CDH20: variants seen among roughly 807,000 people sequenced by gnomAD.
CDH20 encodes cadherin-20.
A neutral mutation model predicts 74.2 loss-of-function variants in CDH20; 29 were observed. The ratio of observed to expected loss-of-function variants is 0.39; its 90% CI spans 0.29 to 0.53. The LOEUF is 0.53. CDH20 is among the 20% of genes least tolerant of loss of function. The probability of loss-of-function intolerance (pLI) is 0.69; values close to 1 mark genes in which losing one functional copy is unlikely to be tolerated. For missense variants in CDH20, 988 were observed against 1,048.3 expected (o/e 0.94, Z 0.79); for synonymous variants, 469 against 405.4 (o/e 1.16, Z -1.88).
intron 8 of CDH20, among the ~76,000 whole-genome samples, chr18:61,538,605 TTTG>T (rs1568182121): frequency 9.9e-5 from 4 of 40,232 alleles, no homozygotes; most frequent in East Asian, 1.3e-3. Context: ...TGTTTTTGTT[TTTG>T]TTTTTGTTTT....
chr18:61,416,855 C>G (rs1912703590), intron 1 of CDH20, among the ~76,000 whole-genome samples: 1 of 152,098 alleles, frequency 6.6e-6, no homozygotes, highest in Non-Finnish European at 1.5e-5. Context: ...CCACAACTAC[C>G]AAAAACAGAA....
At chr18:61,371,638 G>A (rs1911043561) in intron 1 of CDH20, among the ~76,000 whole-genome samples, 1 of 152,054 alleles carries the variant, frequency 6.6e-6, no homozygotes, top group African/African-American at 2.4e-5. Flanking sequence ...ATGACTGACA[G>A]CTGCCCAGAG....
intron 1 of CDH20, among the ~76,000 whole-genome samples, chr18:61,385,142 T>C (rs1398840145): frequency 6.6e-6 from 1 of 152,158 alleles, no homozygotes; most frequent in Non-Finnish European, 1.5e-5. Context: ...TTATTTGTAG[T>C]AGAAAAAGGA....
intron 6 of CDH20, among the ~76,000 whole-genome samples, chr18:61,518,190 C>T (rs1364563031): frequency 6.6e-6 from 1 of 152,112 alleles, no homozygotes; most frequent in Non-Finnish European, 1.5e-5. Context: ...GCTGTGGGCA[C>T]AGCTTCAGCA....
intron 1 of CDH20, among the ~76,000 whole-genome samples, chr18:61,400,289 G>A (rs1457322201): frequency 6.6e-6 from 1 of 152,200 alleles, no homozygotes; most frequent in Non-Finnish European, 1.5e-5. Context: ...CTGCTAATGA[G>A]CATTAACTCT....
intron 4 of CDH20, among the ~76,000 whole-genome samples, chr18:61,501,363 T>C (rs771663584): frequency 6.7e-6 from 1 of 149,104 alleles, no homozygotes; most frequent in Non-Finnish European, 1.5e-5. Flanking sequence ...CTTATACTTG[T>C]GCCAGGCTTC....
At chr18:61,344,723 T>C (rs1475103873) in intron 1 of CDH20, among the ~76,000 whole-genome samples, 4 of 152,214 alleles carry the variant, frequency 2.6e-5, no homozygotes, top group Non-Finnish European at 2.9e-5. Flanking sequence ...AGATTGGTAA[T>C]GGCATTTCAG....
rs528267336 is a variant in CDH20 at position 61,399,650 on chromosome 18, C to A, written c.-153+65823C>A. The stretch of plus-strand genomic sequence containing the variant: ...CCTCCCCCACCAATGCCTCTCTCCA[C>A]CCCTGCCTAAAATTACTCATCATTC... On this transcript the variant is annotated intron_variant, in intron 1 of 11. Transcript: ENST00000262717. 3.3e-5 allele frequency among the ~76,000 whole-genome samples: 5 copies of A among 152,136 alleles called. No individual in the cohort carries two copies. In the East Asian group the frequency reaches 9.6e-4, roughly 29 times the overall value.
intron 7 of CDH20, among the ~76,000 whole-genome samples, chr18:61,535,712 G>T (rs536420209): frequency 1.3e-5 from 2 of 152,288 alleles, no homozygotes; most frequent in African/African-American, 4.8e-5. Context: ...ATGCATGTTG[G>T]TCCAGACTGA....
intron 2 of CDH20, among the ~76,000 whole-genome samples, chr18:61,494,785 ATGC>A (rs1911074183): frequency 1.3e-5 from 2 of 152,200 alleles, no homozygotes; most frequent in Non-Finnish European, 2.9e-5. Flanking sequence ...AAAGAGAGGG[ATGC>A]TGAGAGCTTG....
chr18:61,462,811 C>T (rs1157384224), intron 1 of CDH20, among the ~76,000 whole-genome samples: 5 of 150,638 alleles, frequency 3.3e-5, no homozygotes, highest in Admixed American at 6.6e-5. Context: ...TTTCTGGTAA[C>T]ACACCTGCCT....
chr18:61,507,269 C>T, intron 5 of CDH20, 104 bp from the exon 6 acceptor site: 1 of 1,130,280 alleles, frequency 8.8e-7, no homozygotes, highest in Non-Finnish European at 1.3e-6. Flanking sequence ...CTTTTTGAAC[C>T]CAGAAAAAAA....
At chr18:61,336,175 A>G (rs1019873672) in intron 1 of CDH20, among the ~76,000 whole-genome samples, 2 of 152,194 alleles carry the variant, frequency 1.3e-5, no homozygotes, top group Non-Finnish European at 2.9e-5. Flanking sequence ...TCGTCTGGAG[A>G]AAGCAGTTGA....
intron 1 of CDH20, among the ~76,000 whole-genome samples, chr18:61,425,097 A>G (rs1913027936): frequency 6.7e-6 from 1 of 148,360 alleles, no homozygotes; most frequent in Admixed American, 6.7e-5. Flanking sequence ...GGCTCTAGGT[A>G]TAGGTCTATC....
chr18:61,512,259 A>T (rs946278865), intron 6 of CDH20, among the ~76,000 whole-genome samples: 8 of 152,198 alleles, frequency 5.3e-5, no homozygotes, highest in African/African-American at 1.9e-4. Context: ...ATAACTTGAA[A>T]TATATAATTT....
intron 1 of CDH20, among the ~76,000 whole-genome samples, chr18:61,458,689 G>C (rs1909663730): frequency 6.6e-6 from 1 of 152,224 alleles, no homozygotes; most frequent in Non-Finnish European, 1.5e-5. Context: ...CTTGAAGCTA[G>C]ATTGCACATA....
At chr18:61,389,169 C>T (rs1479808245) in intron 1 of CDH20, among the ~76,000 whole-genome samples, 1 of 152,180 alleles carries the variant, frequency 6.6e-6, no homozygotes, top group Non-Finnish European at 1.5e-5. Context: ...ACCTGCTTTA[C>T]ATAGTAGGCT....
Position 61,546,886 on chromosome 18 carries a change from G to A in CDH20, c.1648+1742G>A, listed in dbSNP as rs181976951. Reference sequence around the variant, plus strand: ...TTTATCTCACGAGTATCCTTTACTGGGGCTCATTTTAAAACTGAACAAGTC... The same window carrying A: ...TTTATCTCACGAGTATCCTTTACTGAGGCTCATTTTAAAACTGAACAAGTC... On this transcript the variant is annotated intron_variant, in intron 10 of 11. Coordinates refer to ENST00000262717, the MANE Select transcript of CDH20 (RefSeq NM_031891.4). Among the ~76,000 whole-genome samples, 155 of 152,202 alleles carry A rather than the reference G, an allele frequency of 1.0e-3. 1 individual carries two copies. The highest frequency in any genetic ancestry group is 3.5e-3 in the African/African-American group (145 of 41,530).
intron 1 of CDH20, among the ~76,000 whole-genome samples, chr18:61,342,209 A>G (rs972471781): frequency 6.6e-6 from 1 of 152,208 alleles, no homozygotes; most frequent in Non-Finnish European, 1.5e-5. Flanking sequence ...TCATGTCAAA[A>G]CATGTAGTAT....
Sources: gnomAD v4.1 joint callset for allele counts (sites outside exome capture counted in the v4.1 genomes callset) on GRCh38, gnomAD v4.1.1 for gene constraint, MANE v1.5 for transcripts, NCBI Gene and HGNC (gene_info 2026-07-23, HGNC 2026-07-21) for gene names.